The following GAK variants were observed in gnomAD, a reference collection of about 807,000 sequenced individuals.
GAK encodes cyclin-G-associated kinase.
In GAK, 79 loss-of-function variants were observed where a neutral mutation model predicts 143.9. The ratio of observed to expected loss-of-function variants is 0.55; its 90% CI spans 0.46 to 0.66. GAK has a LOEUF of 0.66. GAK is among the 30% of genes least tolerant of loss of function. The pLI is 0.00. For missense variants in GAK, 1,693 were observed against 1,779.7 expected (o/e 0.95, Z 0.88); for synonymous variants, 881 against 765.5 (o/e 1.15, Z -2.49).
At chr4:849,831 A>AGGG in intron 27 of GAK, 57 bp from the exon 28 acceptor site, 9 of 999,000 alleles carry the variant, frequency 9.0e-6, no homozygotes, top group Non-Finnish European at 1.3e-5. Flanking sequence ...CGGGCGGGGC[A>AGGG]GGACCCCCCC....
At chr4:895,786 C>T (rs1012771643) in intron 7 of GAK, among the ~76,000 whole-genome samples, 1 of 152,186 alleles carries the variant, frequency 6.6e-6, no homozygotes, top group Non-Finnish European at 1.5e-5. Flanking sequence ...AGCCATCAGG[C>T]TCAGCCCTCA....
At chr4:894,260 AG>A in intron 7 of GAK, 1 of 320,976 alleles carries the variant, frequency 3.1e-6, no homozygotes, top group Non-Finnish European at 5.7e-6. Flanking sequence ...CGGGGAGCGC[AG>A]GGGTGACGTT....
rs776672636 is a variant in GAK, at chr4:890,661, G to A, written c.991-39C>T. ...AATGCAGAGGTCAGTTCTCTAAACT[G>A]ACAACTCACGCCTGCCCACGTCGGG... On this transcript the variant is annotated intron_variant, in intron 9 of 27. Transcript: ENST00000314167. 6.4e-6 allele frequency: 10 copies of A among 1,554,278 alleles called. No homozygotes were observed. In the East Asian group the frequency reaches 1.8e-4, roughly 28 times the overall value.
chr4:897,196 C>T (rs1172146873), intron 6 of GAK, among the ~76,000 whole-genome samples: 1 of 152,200 alleles, frequency 6.6e-6, no homozygotes, highest in African/African-American at 2.4e-5. Context: ...CCATCCTCAG[C>T]TGCAGATTCA....
chr4:889,663 G>A (rs1308081137), intron 10 of GAK, among the ~76,000 whole-genome samples: 1 of 152,216 alleles, frequency 6.6e-6, no homozygotes, highest in Admixed American at 6.5e-5. Flanking sequence ...CCTGGGAAGC[G>A]GAGGTGAAGG....
chr4:896,174 G>A (rs1231324580), intron 7 of GAK, among the ~76,000 whole-genome samples: 1 of 152,226 alleles, frequency 6.6e-6, no homozygotes, highest in East Asian at 1.9e-4. Flanking sequence ...TGAGGTGGGA[G>A]GATCCCTTGA....
chr4:919,186 C>G (rs1365168051), intron 1 of GAK, among the ~76,000 whole-genome samples: 1 of 150,830 alleles, frequency 6.6e-6, no homozygotes, highest in South Asian at 2.1e-4. Context: ...CTCCAAAGGT[C>G]TCAGTGTTGC....
intron 19 of GAK, among the ~76,000 whole-genome samples, chr4:870,337 C>T (rs1037244432): frequency 1.3e-5 from 2 of 152,216 alleles, no homozygotes; most frequent in Admixed American, 6.5e-5. Flanking sequence ...TTCTGTTCCA[C>T]ATGCTGCCAG....
intron 1 of GAK, 110 bp downstream of exon 1, chr4:931,933 G>A: frequency 3.7e-6 from 3 of 808,802 alleles, no homozygotes; most frequent in Non-Finnish European, 5.9e-6. Flanking sequence ...ATCCCGCTGG[G>A]ACCCTCCCCA....
intron 5 of GAK, among the ~76,000 whole-genome samples, chr4:899,762 AGTCCTAGAGAGGACGCCTGCTCC>A (rs1205829831): frequency 6.6e-6 from 1 of 152,242 alleles, no homozygotes; most frequent in African/African-American, 2.4e-5. Flanking sequence ...TGCAGACCCC[AGTCCTAGAGAGGACGCCTGCTCC>A]GCGGACCAGC....
At chr4:877,953 T>C (rs967901862) in intron 15 of GAK, 144 bp from the exon 16 acceptor site, 5 of 626,290 alleles carry the variant, frequency 8.0e-6, no homozygotes, top group Non-Finnish European at 1.4e-5. Context: ...TCTGATGTTA[T>C]AATTTTCATT....
At chr4:914,276 C>CCA (rs1253525178) in intron 1 of GAK, among the ~76,000 whole-genome samples, 1 of 92,548 alleles carries the variant, frequency 1.1e-5, no homozygotes, top group African/African-American at 4.6e-5. Flanking sequence ...GCGTGCACGG[C>CCA]CACACACACA....
chr4:917,174 A>C (rs1723201378), intron 1 of GAK, among the ~76,000 whole-genome samples: 1 of 152,274 alleles, frequency 6.6e-6, no homozygotes, highest in African/African-American at 2.4e-5. Flanking sequence ...ACATACAGTC[A>C]GTGTACAGAA....
In GAK at chr4:923,314, C is replaced by CATG. The variant is rs199992705; in HGVS notation, c.145+8726_145+8728dup. Among the ~76,000 whole-genome samples, 1,326 of 152,284 alleles carry CATG rather than the reference C, an allele frequency of 8.7e-3. 23 individuals carry two copies. Among genetic ancestry groups the CATG allele is most frequent in the African/African-American group, 0.03 (1,250 of 41,544 alleles). On this transcript the variant is annotated intron_variant, in intron 1 of 27. Coordinates refer to ENST00000314167, the MANE Select transcript of GAK (RefSeq NM_005255.4). The stretch of plus-strand genomic sequence containing the variant: ...TAACGTATAAGACATTAAAGAATGG[C>CATG]ATGTCGGGTACCTCCAAGACCCTGT...
At chr4:854,688 C>T (rs1748816767) in intron 24 of GAK, among the ~76,000 whole-genome samples, 1 of 152,210 alleles carries the variant, frequency 6.6e-6, no homozygotes, top group African/African-American at 2.4e-5. Context: ...TGATTTGTGG[C>T]TTCAGAGTAA....
rs1751164498 is a variant in GAK, at chr4:866,363, C to A, written c.3043+1G>T. ...CTGGCTGCCAGGCGAGAGGCACTTA[C>A]CCAGGTGCAGGAAGTCGGCGCTGCA... On this transcript the variant is annotated splice_donor_variant, in intron 22 of 27. Transcript: ENST00000314167. LOFTEE classifies it high-confidence loss of function. The A allele has an allele frequency of 6.2e-7, 1 of 1,613,656 alleles. No homozygotes were observed. Among genetic ancestry groups the A allele is most frequent in the Non-Finnish European group, 8.5e-7 (1 of 1,179,866 alleles).
At chr4:907,030 G>A (rs907448438) in intron 4 of GAK, among the ~76,000 whole-genome samples, 12 of 152,206 alleles carry the variant, frequency 7.9e-5, no homozygotes, top group Admixed American at 6.5e-4. Context: ...CACCTGCCAT[G>A]GGCATGGATC....
At chr4:870,658 C>A in intron 19 of GAK, 53 bp downstream of exon 19, 4 of 1,559,430 alleles carry the variant, frequency 2.6e-6, no homozygotes, top group East Asian at 2.2e-5. Context: ...TGTCTCTCTC[C>A]ACAGAGACAC....
intron 1 of GAK, among the ~76,000 whole-genome samples, chr4:928,951 C>T (rs541335317): frequency 1.3e-5 from 2 of 152,146 alleles, no homozygotes; most frequent in Admixed American, 6.5e-5. Flanking sequence ...TTAGTAGAGA[C>T]GGGTTTCCCC....
Sources: gnomAD v4.1 joint callset for allele counts (sites outside exome capture counted in the v4.1 genomes callset) on GRCh38, gnomAD v4.1.1 for gene constraint, MANE v1.5 for transcripts, NCBI Gene and HGNC (gene_info 2026-07-23, HGNC 2026-07-21) for gene names.